NBDY: variants seen among roughly 807,000 people sequenced by gnomAD.
NBDY encodes P-body dissociating protein.
At chrX:56,749,644 C>T (rs952562627) in intron 2 of NBDY, among the ~76,000 whole-genome samples, 1 of 74,284 alleles carries the variant, frequency 1.3e-5, no homozygotes, top group Non-Finnish European at 2.5e-5. Flanking sequence ...CATGTCCCCA[C>T]ATTTGCATCC....
chrX:56,756,129 T>A (rs2069609685), intron 2 of NBDY, among the ~76,000 whole-genome samples: 1 of 62,866 alleles, frequency 1.6e-5, no homozygotes. Flanking sequence ...CATCACACTC[T>A]GGGGACTGTT....
intron 2 of NBDY, among the ~76,000 whole-genome samples, chrX:56,762,334 CCCT>C (rs371370989): frequency 2.7e-3 from 290 of 107,376 alleles, no homozygotes; most frequent in African/African-American, 9.0e-3. Context: ...TTCTTTTCTT[CCCT>C]CCTCCTCCTC....
In NBDY at chrX:56,729,384, T is replaced by A. The variant is rs1034233997; in HGVS notation, c.31T>A (p.Ser11Thr). 12 of 293,566 alleles carry A rather than the reference T, an allele frequency of 4.1e-5. No individual in the cohort carries two copies. Among genetic ancestry groups the A allele is most frequent in the Non-Finnish European group, 7.1e-5 (12 of 169,378 alleles). 24.2% of individuals were successfully genotyped at this position (293,566 alleles called of 1,213,427 possible). Residue 11 changes from serine to threonine, a missense_variant, in exon 1 of 3, where the codon TCC (serine) becomes ACC (threonine). Coordinates refer to ENST00000374922, the MANE Select transcript of NBDY (RefSeq NM_001348129.2). The part of the protein sequence containing the change: MGDQPCASGR[S>T]TLPPGNAREA... The stretch of plus-strand genomic sequence containing the variant: ...AGACCAACCTTGTGCCTCCGGGAGA[T>A]CCACTCTCCCACCTGGAAACGCACG...
intron 2 of NBDY, among the ~76,000 whole-genome samples, chrX:56,751,429 A>G (rs2069584881): frequency 8.9e-6 from 1 of 112,263 alleles, no homozygotes; most frequent in African/African-American, 3.2e-5. Flanking sequence ...TTCTCAGTGT[A>G]GTACCTTTCC....
At chrX:56,756,255 G>T (rs1310442644) in intron 2 of NBDY, among the ~76,000 whole-genome samples, 2 of 107,900 alleles carry the variant, frequency 1.9e-5, no homozygotes, top group African/African-American at 3.4e-5. Flanking sequence ...ACTAACCTGC[G>T]CATTGTGCAC....
chrX:56,805,781 T>A, intron 2 of NBDY, among the ~76,000 whole-genome samples: 1 of 112,197 alleles, frequency 8.9e-6, no homozygotes, highest in Middle Eastern at 4.7e-3. Context: ...TCCTCATTGC[T>A]CACTCTAATT....
intron 2 of NBDY, among the ~76,000 whole-genome samples, chrX:56,762,347 C>T: frequency 9.1e-6 from 1 of 109,468 alleles, no homozygotes; most frequent in Non-Finnish European, 1.9e-5. Flanking sequence ...TCCTCCTCCT[C>T]CTCCTCTCTC....
intron 2 of NBDY, among the ~76,000 whole-genome samples, chrX:56,749,808 T>C (rs1463072301): frequency 9.1e-6 from 1 of 110,247 alleles, no homozygotes; most frequent in Non-Finnish European, 1.9e-5. Flanking sequence ...CATGCCGTCA[T>C]GCCCAGCTAA....
intron 2 of NBDY, among the ~76,000 whole-genome samples, chrX:56,791,164 C>T (rs1336383801): frequency 4.5e-5 from 5 of 112,340 alleles, no homozygotes; most frequent in Non-Finnish European, 1.9e-5. Flanking sequence ...CTTTTTTCTT[C>T]TTCACTGTCT....
intron 2 of NBDY, among the ~76,000 whole-genome samples, chrX:56,809,938 GGC>G (rs2069876536): frequency 8.9e-6 from 1 of 111,745 alleles, no homozygotes; most frequent in African/African-American, 3.3e-5. Context: ...GCTCTTGTAA[GGC>G]AGGCCTGGTG....
At chrX:56,781,992 G>A (rs765793144) in intron 2 of NBDY, among the ~76,000 whole-genome samples, 13 of 111,543 alleles carry the variant, frequency 1.2e-4, no homozygotes, top group Non-Finnish European at 2.1e-4. Context: ...GCCTACACTT[G>A]TGTACTCTGT....
chrX:56,782,349 T>C (rs1272651723), intron 2 of NBDY, among the ~76,000 whole-genome samples: 4 of 111,330 alleles, frequency 3.6e-5, no homozygotes, highest in Non-Finnish European at 3.8e-5. Flanking sequence ...CTTTTGCCTC[T>C]TCTTCTTTTT....
chrX:56,793,899 C>T (rs1602664559), intron 2 of NBDY, among the ~76,000 whole-genome samples: 2 of 112,020 alleles, frequency 1.8e-5, no homozygotes, highest in East Asian at 2.8e-4. Flanking sequence ...TCCTGAAGCT[C>T]CTTTTCCTCC....
chrX:56,765,856 A>C (rs777866223), intron 2 of NBDY, among the ~76,000 whole-genome samples: 5 of 92,564 alleles, frequency 5.4e-5, no homozygotes, highest in African/African-American at 1.2e-4. Context: ...TCTGCTTCTG[A>C]TTCTGCTTCT....
intron 2 of NBDY, among the ~76,000 whole-genome samples, chrX:56,739,238 G>GTATATA (rs1198957018): frequency 2.5e-3 from 148 of 59,596 alleles, no homozygotes; most frequent in Non-Finnish European, 2.9e-3. Flanking sequence ...GTTTGTGTGT[G>GTATATA]TATATATATA....
rs775559915 is a variant in NBDY, at chrX:56,800,474, C to T, written c.*167-16846C>T. Among the ~76,000 whole-genome samples the T allele has an allele frequency of 7.2e-5, 8 of 111,377 alleles. No individual in the cohort carries two copies. In the South Asian group the frequency reaches 1.9e-3, roughly 27 times the overall value. On this transcript the variant is annotated intron_variant, in intron 2 of 2. Coordinates refer to ENST00000374922, the MANE Select transcript of NBDY (RefSeq NM_001348129.2). Reference sequence around the variant, plus strand: ...TGGGGGTGGGGGCAGTGTGGAGCAGCGCAGTCTCTTGGCTCCACTGGCCTC... The same window carrying T: ...TGGGGGTGGGGGCAGTGTGGAGCAGTGCAGTCTCTTGGCTCCACTGGCCTC...
intron 2 of NBDY, among the ~76,000 whole-genome samples, chrX:56,735,991 CTT>C (rs1295820463): frequency 2.7e-5 from 3 of 109,157 alleles, no homozygotes; most frequent in Non-Finnish European, 3.8e-5. Context: ...GAATATGAGA[CTT>C]GATATTTTAG....
intron 2 of NBDY, among the ~76,000 whole-genome samples, chrX:56,805,824 CT>C (rs918946659): frequency 1.4e-4 from 15 of 110,741 alleles, no homozygotes; most frequent in African/African-American, 2.6e-4. Flanking sequence ...TCTCCCTTCA[CT>C]TTTTTTTTAT....
At chrX:56,810,654 CT>C (rs2069881521) in intron 2 of NBDY, among the ~76,000 whole-genome samples, 1 of 110,000 alleles carries the variant, frequency 9.1e-6, no homozygotes, top group Non-Finnish European at 1.9e-5. Context: ...TTCATCTAAC[CT>C]TTTTTCAAGG....
Sources: gnomAD v4.1 joint callset for allele counts (sites outside exome capture counted in the v4.1 genomes callset) on GRCh38, gnomAD v4.1.1 for gene constraint, MANE v1.5 for transcripts, NCBI Gene and HGNC (gene_info 2026-07-23, HGNC 2026-07-21) for gene names.